Variants in RC3H1 observed in about 807,000 individuals in gnomAD.
RC3H1 encodes the protein ring finger and CCCH-type domains 1, also known as roquin-1.
A neutral mutation model predicts 138.2 loss-of-function variants in RC3H1; 50 were observed. That is an observed-to-expected ratio of 0.36 (90% CI 0.29 to 0.46). The LOEUF is 0.46. Ranked by LOEUF, RC3H1 falls within the 20% of genes least tolerant of loss-of-function variation. RC3H1 has a pLI of 1.00. For synonymous variants in RC3H1, 462 were observed against 489.1 expected, an observed-to-expected ratio of 0.94 and a Z score of 0.73; for missense variants, 1,031 against 1,388.1, an observed-to-expected ratio of 0.74 and a Z score of 4.09.
At chr1:173,966,442 G>A (rs955554690) in intron 9 of RC3H1, among the ~76,000 whole-genome samples, 20 of 152,028 alleles carry the variant, frequency 1.3e-4, no homozygotes, top group African/African-American at 3.9e-4. Context: ...TCGGCTTGGC[G>A]CGGTGGCTCA....
Position 173,937,732 on chromosome 1 carries a change from A to C in RC3H1, c.*989T>G, listed in dbSNP as rs1658665210. ...CCATTAAAATAATGTGGCTCTATTCATTTTAAGTTCAAATCAAATGTTGCA... is the reference window on the plus strand; with the variant it reads ...CCATTAAAATAATGTGGCTCTATTCCTTTTAAGTTCAAATCAAATGTTGCA... On this transcript the variant is annotated 3_prime_UTR_variant, in exon 20 of 20. Coordinates refer to ENST00000367696, the MANE Select transcript of RC3H1 (RefSeq NM_172071.4). The C allele has an allele frequency of 6.6e-6, 1 of 152,170 alleles. No individual in the cohort carries two copies. The highest frequency in any genetic ancestry group is 2.4e-5 in the African/African-American group (1 of 41,454). The allele number at this position is 152,170 out of a possible 1,614,324, so 9.4% of individuals were successfully genotyped here.
chr1:173,996,621 A>G (rs1023178258), intron 1 of RC3H1, among the ~76,000 whole-genome samples: 1 of 152,164 alleles, frequency 6.6e-6, no homozygotes, highest in African/African-American at 2.4e-5. Flanking sequence ...TTACCATGCT[A>G]AAGTCTCCAT....
chr1:173,989,336 C>T (rs1030366776), intron 2 of RC3H1, among the ~76,000 whole-genome samples: 1 of 151,846 alleles, frequency 6.6e-6, no homozygotes. Flanking sequence ...GGTGGGACTA[C>T]AAGCATGTGC....
intron 7 of RC3H1, among the ~76,000 whole-genome samples, chr1:173,975,494 G>A (rs957387654): frequency 1.3e-5 from 2 of 152,010 alleles, no homozygotes; most frequent in Non-Finnish European, 2.9e-5. Context: ...TACTTTATGT[G>A]CCAACAAAGA....
At chr1:173,997,058 C>T (rs191336881) in intron 1 of RC3H1, among the ~76,000 whole-genome samples, 28 of 151,894 alleles carry the variant, frequency 1.8e-4, no homozygotes, top group African/African-American at 6.3e-4. Context: ...AGTGAGACCC[C>T]GTCTCTACAG....
At chr1:173,995,934 A>T (rs1018238089) in intron 1 of RC3H1, among the ~76,000 whole-genome samples, 11 of 152,226 alleles carry the variant, frequency 7.2e-5, no homozygotes, top group African/African-American at 2.7e-4. Context: ...TTATAATAAG[A>T]TTTAAAAGAC....
intron 2 of RC3H1, among the ~76,000 whole-genome samples, chr1:173,985,429 A>C (rs1660986758): frequency 6.6e-6 from 1 of 152,214 alleles, no homozygotes; most frequent in Non-Finnish European, 1.5e-5. Flanking sequence ...ATTCTTCTAC[A>C]TTTTATGTAG....
intron 6 of RC3H1, among the ~76,000 whole-genome samples, 184 bp from the exon 7 acceptor site, chr1:173,978,804 G>A (rs1660684978): frequency 6.6e-6 from 1 of 152,104 alleles, no homozygotes; most frequent in Non-Finnish European, 1.5e-5. Flanking sequence ...TGCATCCAGA[G>A]CTTGGCACAT....
intron 1 of RC3H1, among the ~76,000 whole-genome samples, chr1:174,004,854 T>C (rs1042812939): frequency 6.6e-6 from 1 of 151,346 alleles, no homozygotes; most frequent in African/African-American, 2.4e-5. Flanking sequence ...CAGAGTAACA[T>C]GCAAAGGCCC....
chr1:173,959,374 A>G (rs1276040224), intron 13 of RC3H1, among the ~76,000 whole-genome samples: 1 of 152,242 alleles, frequency 6.6e-6, no homozygotes, highest in Non-Finnish European at 1.5e-5. Context: ...ATCGAGGAAT[A>G]AAATTCAATG....
rs1189625122 is a variant in RC3H1, at chr1:174,016,422, C to CTT, written c.-151+5672_-151+5673dup. Among the ~76,000 whole-genome samples the CTT allele has an allele frequency of 6.7e-3, 792 of 118,240 alleles. 28 individuals carry two copies. Among genetic ancestry groups the CTT allele is most frequent in the African/African-American group, 0.024 (694 of 28,870 alleles). 77.6% of individuals were successfully genotyped at this position (118,240 alleles called of 152,430 possible). ...TTTTCCTTATCATTTTTTAAGTTTC[C>CTT]TTTTTTTTTTTTTTTTTTTTGAGGT... is the stretch of plus-strand genomic sequence containing the variant. On this transcript the variant is annotated intron_variant, in intron 1 of 19. Transcript: ENST00000367696.
At chr1:173,980,377 A>G (rs1027758494) in intron 6 of RC3H1, among the ~76,000 whole-genome samples, 1 of 152,108 alleles carries the variant, frequency 6.6e-6, no homozygotes, top group African/African-American at 2.4e-5. Flanking sequence ...ATGCTGGAAA[A>G]ACATATTAAC....
At chr1:174,002,753 A>G (rs1661583789) in intron 1 of RC3H1, among the ~76,000 whole-genome samples, 4 of 152,194 alleles carry the variant, frequency 2.6e-5, no homozygotes, top group Admixed American at 2.6e-4. Context: ...TCTAGGTTCT[A>G]TACAACATAC....
At chr1:173,963,273 T>A (rs1039370728) in intron 11 of RC3H1, among the ~76,000 whole-genome samples, 4 of 116,832 alleles carry the variant, frequency 3.4e-5, no homozygotes, top group African/African-American at 2.7e-4. Context: ...AATCCATTCA[T>A]AACTTTTTTT....
intron 1 of RC3H1, among the ~76,000 whole-genome samples, chr1:174,000,931 T>C (rs12410362): frequency 6.6e-6 from 1 of 152,232 alleles, no homozygotes; most frequent in African/African-American, 2.4e-5. Context: ...CCAGTTTTGA[T>C]TGTAAAAATA....
rs2103013406 is a variant in RC3H1, at chr1:173,983,498, AG to A, written c.511del (p.Leu171SerfsTer17). ...LGERTVTELI[L>X]QHQNPQQLSS... ...GAGTTGCTGAGGATTCTGGTGCTGG[AG>A]AATGAGCTCTGTAACTGTTCGTTCA... On this transcript the variant is annotated frameshift_variant, in exon 4 of 20. Coordinates refer to ENST00000367696, the MANE Select transcript of RC3H1 (RefSeq NM_172071.4). LOFTEE classifies it high-confidence loss of function. 6.2e-7 allele frequency: 1 copy of A among 1,614,216 alleles called. No homozygotes were observed. The highest frequency in any genetic ancestry group is 2.2e-5 in the East Asian group (1 of 44,890).
rs200530913 is a variant in RC3H1, at chr1:173,974,668, A to G, written c.1103-2041T>C. Among the ~76,000 whole-genome samples, 5 of 151,876 alleles carry G rather than the reference A, an allele frequency of 3.3e-5. 1 individual carries two copies. Among genetic ancestry groups the G allele is most frequent in the Admixed American group, 2.0e-4 (3 of 15,262 alleles). On this transcript the variant is annotated intron_variant, in intron 7 of 19. Coordinates refer to ENST00000367696, the MANE Select transcript of RC3H1 (RefSeq NM_172071.4). ...AGAGGAGGGAATTAAGTGGAAAAAA[A>G]GGGTAGGAAATGAGGTTTGAGAGAG...
chr1:173,987,678 T>C (rs1661086064), intron 2 of RC3H1, among the ~76,000 whole-genome samples: 1 of 152,202 alleles, frequency 6.6e-6, no homozygotes, highest in African/African-American at 2.4e-5. Flanking sequence ...TGTTGTTCCT[T>C]CTAGGCCATC....
chr1:174,006,226 A>G (rs1661650994), intron 1 of RC3H1, among the ~76,000 whole-genome samples: 1 of 152,142 alleles, frequency 6.6e-6, no homozygotes, highest in African/African-American at 2.4e-5. Context: ...AAATAAGTAA[A>G]TAAATAAATA....
Sources: gnomAD v4.1 joint callset for allele counts (sites outside exome capture counted in the v4.1 genomes callset) on GRCh38, gnomAD v4.1.1 for gene constraint, MANE v1.5 for transcripts, NCBI Gene and HGNC (gene_info 2026-07-23, HGNC 2026-07-21) for gene names.